CDH24: variants seen among roughly 807,000 people sequenced by gnomAD.
The protein encoded by CDH24 is cadherin 24, also known as cadherin-24.
A neutral mutation model predicts 71.2 loss-of-function variants in CDH24; 61 were observed. The ratio of observed to expected loss-of-function variants is 0.86; its 90% CI spans 0.70 to 1.06. The LOEUF (loss-of-function observed/expected upper bound fraction) is 1.06, where lower values mean the gene tolerates loss of function less well. CDH24 is among the 50% of genes least tolerant of loss of function. CDH24 has a pLI of 0.00. For missense variants in CDH24, 961 were observed against 1,083.7 expected (o/e 0.89, Z 1.59); for synonymous variants, 440 against 470.2 (o/e 0.94, Z 0.83).
chr14:23,052,647 C>T lies in CDH24; in HGVS notation c.1227-38G>A, dbSNP rs192321646. On this transcript the variant is annotated intron_variant, in intron 7 of 12. Transcript: ENST00000487137. ...GAGACATGCTGGGGCTGATCTGGGG[C>T]GGGACCACAGCTTGTTCCACCCCCT... 2.7e-5 allele frequency: 44 copies of T among 1,604,262 alleles called. No homozygotes were observed. The Admixed American group carries it at 4.0e-4, about 15-fold the overall frequency.
chr14:23,049,759 G>C, intron 9 of CDH24, 21 bp from the exon 10 acceptor site: 1 of 1,612,102 alleles, frequency 6.2e-7, no homozygotes, highest in Non-Finnish European at 8.5e-7. Flanking sequence ...GAAGAGAGAG[G>C]CCTTGTATGG....
At position 23,047,951 on chromosome 14, in the gene CDH24, C is replaced by CA. The variant is rs2047052917; in HGVS notation, c.*28_*29insT. On this transcript the variant is annotated 3_prime_UTR_variant, in exon 12 of 13. Coordinates refer to ENST00000487137, the MANE Select transcript of CDH24 (RefSeq NM_144985.4). ...GAGGGCCTGTGCCCGCTGCCCCCCC[C>CA]CCGCGGTGGGCCGGGCCAGCCCGGG... 1.3e-5 allele frequency: 17 copies of CA among 1,291,940 alleles called. No homozygotes were observed. The highest frequency in any genetic ancestry group is 4.5e-5 in the South Asian group (2 of 44,398). The allele number at this position is 1,291,940 out of a possible 1,614,324, so 80.0% of individuals were successfully genotyped here. A position where few individuals can be genotyped will look rare whatever the true frequency, so the allele number is the denominator to read the frequency against.
chr14:23,053,061 A>G (rs114628975), intron 7 of CDH24, among the ~76,000 whole-genome samples: 104 of 152,228 alleles, frequency 6.8e-4, no homozygotes, highest in African/African-American at 2.4e-3. Context: ...GGGGAGGGGG[A>G]AAGAGTGGCT....
At position 23,049,632 on chromosome 14, in the gene CDH24, T is replaced by C. The variant is rs914498749; in HGVS notation, c.1592A>G (p.Asn531Ser). Residue 531 changes from asparagine (N) to serine (S), a missense_variant, in exon 10 of 13, where the codon AAC (asparagine) becomes AGC (serine). By Grantham distance (46) the Asn-to-Ser change is conservative. This residue lies in a region of CDH24 where 671 missense variants were observed against 810.9 expected (regional missense o/e 0.83). Transcript: ENST00000487137. ...GPDANFTVQDNRDGSASLLLP... is the reference protein window; with the variant it reads ...GPDANFTVQDSRDGSASLLLP... ...GGCTGTAGGAGGCCACCTACCTCGGTTGTCCTGGACAGTAAAGTTGGCATC... is the reference window on the plus strand; with the variant it reads ...GGCTGTAGGAGGCCACCTACCTCGGCTGTCCTGGACAGTAAAGTTGGCATC... 10 of 1,542,892 alleles carry C rather than the reference T, an allele frequency of 6.5e-6. No homozygotes were observed. In the African/African-American group the frequency reaches 1.1e-4, roughly 17 times the overall value.
In CDH24 at chr14:23,054,753, G is replaced by A. The variant is rs1447815838; in HGVS notation, c.610C>T (p.Gln204Ter). ...TCCCAGGCTCCATCCTCACCAGTCT[G>A]GGGGTCCACAGAGAAGAAAGGCAGT... is the stretch of plus-strand genomic sequence containing the variant. ...DGLPFFSVDP[Q>*]TGVVRTAIPN... The change falls in exon 4 of 13, where the codon CAG becomes TAG. Residue 204 changes from glutamine to a stop codon, truncating the protein, a stop_gained. Transcript: ENST00000487137. LOFTEE classifies it high-confidence loss of function. The surrounding 1 kb of genome is among the most constrained non-coding windows in gnomAD (Gnocchi z 5.2). 1.9e-6 allele frequency: 3 copies of A among 1,614,126 alleles called. No individual in the cohort carries two copies. The African/African-American group carries it at 4.0e-5, about 22-fold the overall frequency.
rs2047057250 is a variant in CDH24, at chr14:23,048,243, T to A, written c.2083A>T (p.Arg695Ter). The part of the protein sequence containing the change: ...LPRARVSRQP[R>*]PPGPADVAQL... ...GCCACGTCGGCGGGGCCGGGGGGTCTGGGCTGGCGCGACACCCGGGCCCGG... is the reference window on the plus strand; with the variant it reads ...GCCACGTCGGCGGGGCCGGGGGGTCAGGGCTGGCGCGACACCCGGGCCCGG... Residue 695 changes from arginine (R) to a stop codon, truncating the protein, a stop_gained, in exon 12 of 13, where the codon AGA becomes TGA. Coordinates refer to ENST00000487137, the MANE Select transcript of CDH24 (RefSeq NM_144985.4). LOFTEE classifies it high-confidence loss of function. 3 of 1,364,936 alleles carry A rather than the reference T, an allele frequency of 2.2e-6. No homozygotes were observed. The highest frequency in any genetic ancestry group is 8.0e-5 in the Admixed American group (2 of 25,088). The allele number at this position is 1,364,936 out of a possible 1,614,324, so 84.6% of individuals were successfully genotyped here.
chr14:23,048,961 C>T, intron 11 of CDH24, 66 bp downstream of exon 11: 1 of 1,553,462 alleles, frequency 6.4e-7, no homozygotes. Context: ...GTCCAGAGGC[C>T]TGGTTCTTCT....
rs746818043 is a variant in CDH24 at position 23,054,161 on chromosome 14, C to T, written c.952G>A (p.Gly318Arg). The T allele has an allele frequency of 8.7e-6, 14 of 1,605,342 alleles. No homozygotes were observed. Among genetic ancestry groups the T allele is most frequent in the Middle Eastern group, 1.7e-4 (1 of 6,058 alleles). ...SISTDLQGRD[G>R]LLTVRKPLDF... The stretch of plus-strand genomic sequence containing the variant: ...CTAACCTTGCGGACAGTGAGGAGCC[C>T]GTCTCGACCCTGCAAGTCTGTGCTG... The change falls in exon 6 of 13, where the codon GGG becomes AGG. Residue 318 changes from glycine to arginine, a missense_variant. Gly to Arg is a moderately radical substitution (Grantham distance 125). Coordinates refer to ENST00000487137, the MANE Select transcript of CDH24 (RefSeq NM_144985.4). The surrounding 1 kb of genome is among the most constrained non-coding windows in gnomAD (Gnocchi z 5.2).
intron 11 of CDH24, 133 bp downstream of exon 11, chr14:23,048,894 G>T: frequency 1.0e-6 from 1 of 987,290 alleles, no homozygotes. Context: ...GGATGCATCA[G>T]GTGGTGGGAA....
rs375516907 is a variant in CDH24, at chr14:23,055,161, G to T, written c.394C>A (p.Pro132Thr). Residue 132 changes from proline (P) to threonine (T), a missense_variant, in exon 3 of 13, where the codon CCC becomes ACC. Physicochemically the swap from Pro to Thr is conservative, Grantham distance 38. Around this residue, in one of 2 missense-constraint regions of CDH24, gnomAD observed 671 missense variants for 810.9 expected, o/e 0.83. Coordinates refer to ENST00000487137, the MANE Select transcript of CDH24 (RefSeq NM_144985.4). This position sits in a 1 kb window ranked among gnomAD's most constrained non-coding sequence, Gnocchi z 4.1. ...VDRASNRPLEPPSEFIIKVQD... is the reference protein window; with the variant it reads ...VDRASNRPLETPSEFIIKVQD... ...ACTTTGATGATGAACTCTGATGGGG[G>T]CTCCAGGGGCCGGTTGGAGGCTCGG... 1.9e-6 allele frequency: 3 copies of T among 1,614,022 alleles called. No homozygotes were observed.
chr14:23,053,548 G>T lies in CDH24; in HGVS notation c.1174C>A (p.Leu392Met), dbSNP rs377064007. The T allele has an allele frequency of 6.2e-7, 1 of 1,606,538 alleles. No homozygotes were observed. Among genetic ancestry groups the T allele is most frequent in the Admixed American group, 1.7e-5 (1 of 59,860 alleles). The change falls in exon 7 of 13, where the codon CTG becomes ATG. Residue 392 changes from leucine to methionine, a missense_variant. Coordinates refer to ENST00000487137, the MANE Select transcript of CDH24 (RefSeq NM_144985.4). ...TVPENKAPGT[L>M]VGQISAADLD... Reference sequence around the variant, plus strand: ...TCAGCCGCGGAGATCTGGCCTACCAGGGTCCCCGGGGCCTTGTTCTCAGGC... The same window carrying T: ...TCAGCCGCGGAGATCTGGCCTACCATGGTCCCCGGGGCCTTGTTCTCAGGC...
Position 23,054,647 on chromosome 14 carries a change from T to G in CDH24, c.643A>C (p.Met215Leu). Residue 215 changes from methionine (M) to leucine (L), a missense_variant, in exon 5 of 13, where the codon ATG becomes CTG. Physicochemically the swap from Met to Leu is conservative, Grantham distance 15 (BLOSUM62 2). Coordinates refer to ENST00000487137, the MANE Select transcript of CDH24 (RefSeq NM_144985.4). The surrounding 1 kb of genome is among the most constrained non-coding windows in gnomAD (Gnocchi z 5.2). ...AACTCCTCCTGTGTCTCCCGGTCCA[T>G]GTTGGGGATGGCTGTACGCACCACT... ...TGVVRTAIPN[M>L]DRETQEEFLV... 1 of 1,613,934 alleles carries G rather than the reference T, an allele frequency of 6.2e-7. No homozygotes were observed. Among genetic ancestry groups the G allele is most frequent in the Non-Finnish European group, 8.5e-7 (1 of 1,179,956 alleles).
At position 23,055,416 on chromosome 14, in the gene CDH24, G is replaced by A. The variant is rs148636996; in HGVS notation, c.202-63C>T. 7 of 1,587,616 alleles carry A rather than the reference G, an allele frequency of 4.4e-6. No homozygotes were observed. The East Asian group carries it at 1.4e-4, about 31-fold the overall frequency. ...TACAGAGACAGGGTTAAAGAGTCTA[G>A]GTTTGGGTAGAGCGTTGGGAGTCCT... On this transcript the variant is annotated intron_variant, in intron 2 of 12. Transcript: ENST00000487137. This position sits in a 1 kb window ranked among gnomAD's most constrained non-coding sequence, Gnocchi z 4.1.
At chr14:23,052,029 C>T (rs1240065208) in intron 8 of CDH24, 4 of 1,587,042 alleles carry the variant, frequency 2.5e-6, no homozygotes, top group South Asian at 2.3e-5. Context: ...TGCTGGTGCA[C>T]TCCACTCAGC....
chr14:23,052,265 C>G (rs2139945238), intron 8 of CDH24: 1 of 733,384 alleles, frequency 1.4e-6, no homozygotes, highest in Middle Eastern at 3.1e-4. Context: ...ACCAGGAGGC[C>G]CGCCCTGCCT....
Position 23,055,253 on chromosome 14 carries a change from A to G in CDH24, c.302T>C (p.Ile101Thr). The change falls in exon 3 of 13, where the codon ATT (isoleucine) becomes ACT (threonine). Residue 101 changes from isoleucine to threonine, a missense_variant. By Grantham distance (89) the Ile-to-Thr change is moderately conservative (BLOSUM62 -1). Around this residue, in one of 2 missense-constraint regions of CDH24, gnomAD observed 671 missense variants for 810.9 expected, o/e 0.83. Transcript: ENST00000487137. The surrounding 1 kb of genome is among the most constrained non-coding windows in gnomAD (Gnocchi z 4.1). ...VFVIDEATGNIHVTKSLDREE... is the reference protein window; with the variant it reads ...VFVIDEATGNTHVTKSLDREE... ...CCGGTCAAGGCTCTTGGTAACATGA[A>G]TATTGCCTGTGGCCTCATCAATCAC... 1 of 1,614,118 alleles carries G rather than the reference A, an allele frequency of 6.2e-7. No homozygotes were observed. The highest frequency in any genetic ancestry group is 8.5e-7 in the Non-Finnish European group (1 of 1,180,008).
At chr14:23,050,137 C>A in intron 8 of CDH24, 194 bp from the exon 9 acceptor site, 1 of 686,752 alleles carries the variant, frequency 1.5e-6, no homozygotes. Context: ...ATACAATATT[C>A]ATGTAGTACC....
chr14:23,050,213 T>G (rs8019032), intron 8 of CDH24: 6,130 of 363,720 alleles, frequency 0.017, 345 homozygotes, highest in African/African-American at 0.12. Context: ...ACATATACAA[T>G]AACCCACATG....
chr14:23,055,244 G>A lies in CDH24; in HGVS notation c.311C>T (p.Thr104Ile). Residue 104 changes from threonine to isoleucine, a missense_variant, in exon 3 of 13, where the codon ACC (threonine) becomes ATC (isoleucine). Thr to Ile is a moderately conservative substitution (Grantham distance 89). Transcript: ENST00000487137. The surrounding 1 kb of genome is among the most constrained non-coding windows in gnomAD (Gnocchi z 4.1). Reference sequence around the variant, plus strand: ...CTTTTCCTCCCGGTCAAGGCTCTTGGTAACATGAATATTGCCTGTGGCCTC... The same window carrying A: ...CTTTTCCTCCCGGTCAAGGCTCTTGATAACATGAATATTGCCTGTGGCCTC... ...IDEATGNIHVTKSLDREEKAQ... is the reference protein window; with the variant it reads ...IDEATGNIHVIKSLDREEKAQ... The A allele has an allele frequency of 6.2e-7, 1 of 1,614,198 alleles. No homozygotes were observed. Among genetic ancestry groups the A allele is most frequent in the Non-Finnish European group, 8.5e-7 (1 of 1,180,012 alleles).
Sources: allele counts gnomAD v4.1 joint callset (sites outside exome capture counted in the v4.1 genomes callset), GRCh38; gene constraint gnomAD v4.1.1; regional missense constraint gnomAD v4.1.1; non-coding constraint Gnocchi (gnomAD v3.1); transcripts MANE v1.5; gene names NCBI Gene and HGNC (gene_info 2026-07-23, HGNC 2026-07-21).